Variants in PCDHGA8 observed in about 807,000 individuals in gnomAD.
PCDHGA8 encodes the protein protocadherin gamma-A8.
A neutral mutation model predicts 59.2 loss-of-function variants in PCDHGA8; 45 were observed. The observed-to-expected ratio is 0.76, with a 90% CI of 0.60 to 0.98. The LOEUF (loss-of-function observed/expected upper bound fraction) is 0.98, where lower values mean the gene tolerates loss of function less well. Among genes scored for constraint, PCDHGA8 ranks in the 50% least tolerant of loss-of-function variants. The probability of loss-of-function intolerance (pLI) is 0.00; values close to 1 mark genes in which losing one functional copy is unlikely to be tolerated. For synonymous variants in PCDHGA8, 531 were observed against 519.0 expected (o/e 1.02, Z -0.32); for missense variants, 1,257 against 1,196.2 (o/e 1.05, Z -0.75).
chr5:141,477,502 C>A lies in PCDHGA8; in HGVS notation c.2425-17305C>A, dbSNP rs2099412065. On this transcript the variant is annotated intron_variant, in intron 1 of 3. Coordinates refer to ENST00000398604, the MANE Select transcript of PCDHGA8 (RefSeq NM_032088.2). This position sits in a 1 kb window ranked among gnomAD's most constrained non-coding sequence, Gnocchi z 4.9. ...CTCCACAATCTTCTCAATCTTCCTA[C>A]GACGTTTACATTGAAGAAAACAACC... The A allele has an allele frequency of 9.3e-6, 15 of 1,614,026 alleles. No homozygotes were observed. The highest frequency in any genetic ancestry group is 1.3e-5 in the Non-Finnish European group (15 of 1,180,026).
At chr5:141,482,719 G>C (rs1221351410) in intron 1 of PCDHGA8, among the ~76,000 whole-genome samples, 1 of 129,252 alleles carries the variant, frequency 7.7e-6, no homozygotes, top group African/African-American at 3.5e-5. Flanking sequence ...GGCAGGGAGG[G>C]GCCATTGCAA....
chr5:141,462,774 A>G (rs890366708), intron 1 of PCDHGA8, among the ~76,000 whole-genome samples: 1 of 152,126 alleles, frequency 6.6e-6, no homozygotes, highest in Admixed American at 6.6e-5. Context: ...GCTTGGGGTC[A>G]TAATTTGTTG....
intron 2 of PCDHGA8, among the ~76,000 whole-genome samples, 170 bp from the exon 3 acceptor site, chr5:141,505,223 A>G (rs746167057): frequency 1.9e-4 from 29 of 152,176 alleles, no homozygotes; most frequent in Admixed American, 6.5e-5. Flanking sequence ...GACTTGTGGG[A>G]TTCTGGCTTC....
At position 141,399,889 on chromosome 5, in the gene PCDHGA8, G is replaced by A. The variant is rs2093912508; in HGVS notation, c.2424+4652G>A. 2.5e-6 allele frequency: 4 copies of A among 1,612,576 alleles called. No homozygotes were observed. In the African/African-American group the frequency reaches 5.3e-5, roughly 22 times the overall value. On this transcript the variant is annotated intron_variant, in intron 1 of 3. Coordinates refer to ENST00000398604, the MANE Select transcript of PCDHGA8 (RefSeq NM_032088.2). Reference sequence around the variant, plus strand: ...GCCCGGCTACCTGGTGACCAAGGTAGTGGCCGTGGACGCAGACTCAGGACA... The same window carrying A: ...GCCCGGCTACCTGGTGACCAAGGTAATGGCCGTGGACGCAGACTCAGGACA...
intron 1 of PCDHGA8, chr5:141,441,346 G>A (rs1265971154): frequency 2.0e-5 from 3 of 152,340 alleles, no homozygotes; most frequent in African/African-American, 7.2e-5. Context: ...TTAACTACAT[G>A]CTTGTAACAA....
At chr5:141,402,392 C>A (rs1271100750) in intron 1 of PCDHGA8, among the ~76,000 whole-genome samples, 1 of 151,714 alleles carries the variant, frequency 6.6e-6, no homozygotes, top group African/African-American at 2.4e-5. Flanking sequence ...AAAATTACTT[C>A]AGAAAATTGT....
intron 1 of PCDHGA8, chr5:141,484,976 G>T: frequency 1.7e-6 from 1 of 592,920 alleles, no homozygotes; most frequent in South Asian, 2.1e-5. Flanking sequence ...GCCGCTGTCT[G>T]CCAATCGGGT....
At position 141,511,112 on chromosome 5, in the gene PCDHGA8, G is replaced by A. The variant is rs767257788; in HGVS notation, c.2738G>A (p.Gly913Asp). The change falls in exon 4 of 4, where the codon GGC (glycine) becomes GAC (aspartate). Residue 913 changes from glycine (G) to aspartate (D), a missense_variant. Transcript: ENST00000398604. ...ACCAACGCAGCTGGCAAGCGGGATGGCAAGGCCCCAGCAGGTGGCAATGGC... is the reference window on the plus strand; with the variant it reads ...ACCAACGCAGCTGGCAAGCGGGATGACAAGGCCCCAGCAGGTGGCAATGGC... The part of the protein sequence containing the change: ...TLTNAAGKRD[G>D]KAPAGGNGNK... 1 of 1,614,232 alleles carries A rather than the reference G, an allele frequency of 6.2e-7. No individual in the cohort carries two copies.
At position 141,423,418 on chromosome 5, in the gene PCDHGA8, G is replaced by T. The variant is rs1236092057; in HGVS notation, c.2424+28181G>T. On this transcript the variant is annotated intron_variant, in intron 1 of 3. Transcript: ENST00000398604. ...GTCACGCCTGCTGCAGGCTTCTGAAGGCGGGTTGGCAGGTATGCCCACGTC... is the reference window on the plus strand; with the variant it reads ...GTCACGCCTGCTGCAGGCTTCTGAATGCGGGTTGGCAGGTATGCCCACGTC... 1.2e-6 allele frequency: 2 copies of T among 1,614,022 alleles called. No individual in the cohort carries two copies. Among genetic ancestry groups the T allele is most frequent in the South Asian group, 1.1e-5 (1 of 91,088 alleles).
rs765185360 is a variant in PCDHGA8, at chr5:141,491,451, C to T, written c.2425-3356C>T. 1.2e-6 allele frequency: 2 copies of T among 1,614,112 alleles called. No individual in the cohort carries two copies. The highest frequency in any genetic ancestry group is 1.1e-5 in the South Asian group (1 of 91,082). On this transcript the variant is annotated intron_variant, in intron 1 of 3. Coordinates refer to ENST00000398604, the MANE Select transcript of PCDHGA8 (RefSeq NM_032088.2). This position sits in a 1 kb window ranked among gnomAD's most constrained non-coding sequence, Gnocchi z 6.9. ...AGTGCTGCAGGCGCCAGGACTCACC[C>T]TCCCCGGACTTCTATAAGCAGTCCA...
intron 1 of PCDHGA8, among the ~76,000 whole-genome samples, chr5:141,406,468 T>C (rs2094813433): frequency 6.6e-6 from 1 of 152,230 alleles, no homozygotes; most frequent in Admixed American, 6.5e-5. Flanking sequence ...AACACCTCTT[T>C]GAGGTTATAT....
In PCDHGA8 at chr5:141,408,035, C is replaced by T. The variant is rs886766467; in HGVS notation, c.2424+12798C>T. On this transcript the variant is annotated intron_variant, in intron 1 of 3. Transcript: ENST00000398604. ...CAGCCAACAACAGAAAGAAGAAAAC[C>T]AGCTCCCACACAGAGCCTCCCGGCT... 7.1e-6 allele frequency: 8 copies of T among 1,130,910 alleles called. No homozygotes were observed. The African/African-American group carries it at 7.8e-5, about 11-fold the overall frequency. 70.1% of individuals were successfully genotyped at this position (1,130,910 alleles called of 1,614,324 possible).
At chr5:141,482,901 A>G (rs192886570) in intron 1 of PCDHGA8, among the ~76,000 whole-genome samples, 1 of 152,122 alleles carries the variant, frequency 6.6e-6, no homozygotes, top group Admixed American at 6.6e-5. Context: ...GTGAAACCTC[A>G]TCTCTATTAA....
At position 141,447,418 on chromosome 5, in the gene PCDHGA8, G is replaced by A. The variant is rs113957183; in HGVS notation, c.2425-47389G>A. On this transcript the variant is annotated intron_variant, in intron 1 of 3. Transcript: ENST00000398604. ...CTCCCAAAGTGCTGGGATTACAGGC[G>A]TGAGCCACCGCACCCGGAGGAAATT... Among the ~76,000 whole-genome samples, 1,263 of 152,230 alleles carry A rather than the reference G, an allele frequency of 8.3e-3. 17 individuals carry two copies. The highest frequency in any genetic ancestry group is 0.029 in the African/African-American group (1,197 of 41,538).
At chr5:141,406,777 C>G (rs1235306644) in intron 1 of PCDHGA8, among the ~76,000 whole-genome samples, 1 of 152,150 alleles carries the variant, frequency 6.6e-6, no homozygotes, top group Non-Finnish European at 1.5e-5. Flanking sequence ...ATTTCTCTCA[C>G]TTATATATTA....
In PCDHGA8 at chr5:141,394,247, C is replaced by A. The variant is rs1414649061; in HGVS notation, c.1434C>A (p.Asp478Glu). 2 of 1,613,854 alleles carry A rather than the reference C, an allele frequency of 1.2e-6. No individual in the cohort carries two copies. The highest frequency in any genetic ancestry group is 1.3e-5 in the African/African-American group (1 of 74,932). The change falls in exon 1 of 4, where the codon GAC becomes GAA. Residue 478 changes from aspartate (D) to glutamate (E), a missense_variant. Coordinates refer to ENST00000398604, the MANE Select transcript of PCDHGA8 (RefSeq NM_032088.2). ...GASIFSLTAH[D>E]PDSQENAQVT... ...CCATCTTTTCCTTGACTGCACACGA[C>A]CCCGACAGCCAGGAGAATGCCCAGG...
chr5:141,490,910 A>G lies in PCDHGA8; in HGVS notation c.2425-3897A>G. The G allele has an allele frequency of 1.2e-6, 2 of 1,613,652 alleles. No individual in the cohort carries two copies. Among genetic ancestry groups the G allele is most frequent in the African/African-American group, 1.3e-5 (1 of 75,048 alleles). ...TCTCTGCATGTGTTTGTCCTAGACG[A>G]GAATGATAATGCCCCAGCTGTGCTG... On this transcript the variant is annotated intron_variant, in intron 1 of 3. Transcript: ENST00000398604. This position sits in a 1 kb window ranked among gnomAD's most constrained non-coding sequence, Gnocchi z 5.4.
intron 1 of PCDHGA8, chr5:141,428,862 T>TC (rs1345604550): frequency 2.7e-5 from 2 of 74,856 alleles, no homozygotes; most frequent in African/African-American, 2.0e-4. Flanking sequence ...ACGGGAGACT[T>TC]TTTTTTTTTT....
In PCDHGA8 at chr5:141,423,512, C is replaced by T. The variant is rs765694240; in HGVS notation, c.2424+28275C>T. 55 of 1,613,552 alleles carry T rather than the reference C, an allele frequency of 3.4e-5. No individual in the cohort carries two copies. The highest frequency in any genetic ancestry group is 2.8e-4 in the African/African-American group (21 of 74,924). On this transcript the variant is annotated intron_variant, in intron 1 of 3. Coordinates refer to ENST00000398604, the MANE Select transcript of PCDHGA8 (RefSeq NM_032088.2). ...TATTCCCACGAGGTCTCTCTCATTGCGGACTCGCAGAAGAGTCACCTGATT... is the reference window on the plus strand; with the variant it reads ...TATTCCCACGAGGTCTCTCTCATTGTGGACTCGCAGAAGAGTCACCTGATT...
Sources: gnomAD v4.1 joint callset for allele counts (sites outside exome capture counted in the v4.1 genomes callset) on GRCh38, gnomAD v4.1.1 for gene constraint, Gnocchi (gnomAD v3.1) non-coding constraint, MANE v1.5 for transcripts, NCBI Gene and HGNC (gene_info 2026-07-23, HGNC 2026-07-21) for gene names.